The following FAM210A variants were observed in gnomAD, a reference collection of about 807,000 sequenced individuals.
The protein encoded by FAM210A is mitochondrial inner membrane scaffold 1, also known as family with sequence similarity 210 member A.
In FAM210A, 13 loss-of-function variants were observed where a neutral mutation model predicts 25.3. That is an observed-to-expected ratio of 0.51 (90% confidence interval 0.33 to 0.82). FAM210A has a LOEUF of 0.82. Among genes scored for constraint, FAM210A ranks in the 40% least tolerant of loss-of-function variants. FAM210A has a pLI of 0.02. For synonymous variants in FAM210A, 125 were observed against 118.7 expected, an observed-to-expected ratio of 1.05 and a Z score of -0.35; for missense variants, 319 against 323.2, an observed-to-expected ratio of 0.99 and a Z score of 0.10.
intron 1 of FAM210A, among the ~76,000 whole-genome samples, chr18:13,686,792 AAAAC>A (rs779850896): frequency 1.7e-3 from 257 of 152,322 alleles, no homozygotes; most frequent in Non-Finnish European, 2.8e-3. Flanking sequence ...ATCCTTTCCA[AAAAC>A]AAACAAACAA....
chr18:13,686,655 A>G (rs2043599548), intron 1 of FAM210A, among the ~76,000 whole-genome samples: 1 of 152,234 alleles, frequency 6.6e-6, no homozygotes, highest in Non-Finnish European at 1.5e-5. Context: ...CCCACAAATT[A>G]TCAAACTTAG....
At chr18:13,693,897 G>T (rs1408856087) in intron 1 of FAM210A, among the ~76,000 whole-genome samples, 1 of 152,208 alleles carries the variant, frequency 6.6e-6, no homozygotes. Context: ...TCAGGCAAGA[G>T]AAATAAATAA....
rs142438466 is a variant in FAM210A, at chr18:13,682,585, T to C, written c.-28-480A>G. Among the ~76,000 whole-genome samples the C allele has an allele frequency of 2.6e-3, 387 of 151,064 alleles. 3 individuals are homozygous for C. The highest frequency in any genetic ancestry group is 4.3e-3 in the Non-Finnish European group (291 of 67,878). ...TCCAGCTCAGAAAAATAAAATAAAA[T>C]AAGCCAGGTGAGGTGGCCCACGCCT... On this transcript the variant is annotated intron_variant, in intron 1 of 3. Coordinates refer to ENST00000651643, the MANE Select transcript of FAM210A (RefSeq NM_152352.4).
At position 13,702,836 on chromosome 18, in the gene FAM210A, A is replaced by T. The variant is rs2043751742; in HGVS notation, c.-28-20731T>A. 3.9e-5 allele frequency among the ~76,000 whole-genome samples: 6 copies of T among 152,312 alleles called. No individual in the cohort carries two copies. In the South Asian group the frequency reaches 1.2e-3, roughly 32 times the overall value. On this transcript the variant is annotated intron_variant, in intron 1 of 3. Coordinates refer to ENST00000651643, the MANE Select transcript of FAM210A (RefSeq NM_152352.4). ...TTCTCTTCCCCTCCAGGAACTGCGG[A>T]ATTCTCCTTTCTAAGAGCACCTGTG...
Position 13,665,502 on chromosome 18 carries a change from T to C in FAM210A, c.*978A>G, listed in dbSNP as rs1008777151. 6.6e-6 allele frequency: 1 copy of C among 151,352 alleles called. No homozygotes were observed. 9.4% of individuals were successfully genotyped at this position (151,352 alleles called of 1,614,324 possible). On this transcript the variant is annotated 3_prime_UTR_variant, in exon 4 of 4. Coordinates refer to ENST00000651643, the MANE Select transcript of FAM210A (RefSeq NM_152352.4). ...ACTTTACTCCATAATGAAATCAGCATGAATTCTGAAACTAAGACATTGGGA... is the reference window on the plus strand; with the variant it reads ...ACTTTACTCCATAATGAAATCAGCACGAATTCTGAAACTAAGACATTGGGA...
intron 1 of FAM210A, among the ~76,000 whole-genome samples, chr18:13,725,005 C>T (rs1427289136): frequency 1.3e-5 from 2 of 152,186 alleles, no homozygotes; most frequent in Non-Finnish European, 2.9e-5. Flanking sequence ...AACTCCTGAC[C>T]TCGTGATCCA....
At position 13,668,089 on chromosome 18, in the gene FAM210A, T is replaced by C. The variant is rs73954891; in HGVS notation, c.586-1376A>G. On this transcript the variant is annotated intron_variant, in intron 3 of 3. Coordinates refer to ENST00000651643, the MANE Select transcript of FAM210A (RefSeq NM_152352.4). The stretch of plus-strand genomic sequence containing the variant: ...CGAAACAAAACAAAATGCATAGGTG[T>C]GTTGTATAACAAAACTTTGAAAGAG... Among the ~76,000 whole-genome samples the C allele has an allele frequency of 3.9e-3, 598 of 152,284 alleles. 7 individuals carry two copies. The highest frequency in any genetic ancestry group is 0.014 in the African/African-American group (574 of 41,554).
chr18:13,675,036 A>G (rs536947349), intron 2 of FAM210A, among the ~76,000 whole-genome samples: 729 of 67,114 alleles, frequency 0.011, 9 homozygotes, highest in Middle Eastern at 0.059. Context: ...TGGCTTCTTT[A>G]TTTCCTGTTT....
intron 1 of FAM210A, among the ~76,000 whole-genome samples, chr18:13,686,371 A>G (rs2043597043): frequency 6.6e-6 from 1 of 152,200 alleles, no homozygotes; most frequent in South Asian, 2.1e-4. Context: ...TAACCTAATA[A>G]TGCTATAATT....
At position 13,671,859 on chromosome 18, in the gene FAM210A, C is replaced by G; in HGVS notation, c.585+3G>C. 6.2e-7 allele frequency: 1 copy of G among 1,600,080 alleles called. No homozygotes were observed. On this transcript the variant is annotated splice_donor_region_variant and intron_variant, in intron 3 of 3. Coordinates refer to ENST00000651643, the MANE Select transcript of FAM210A (RefSeq NM_152352.4). ...GGAGCAATGGGTTTGTTACAGTACC[C>G]ACCTTAAACAAGGCATATGCTGTGA...
chr18:13,702,665 T>C (rs2149065694), intron 1 of FAM210A, among the ~76,000 whole-genome samples: 1 of 152,348 alleles, frequency 6.6e-6, no homozygotes, highest in East Asian at 1.9e-4. Context: ...TCTAGACTCC[T>C]TCTGGAAAGG....
intron 1 of FAM210A, among the ~76,000 whole-genome samples, chr18:13,695,490 T>A (rs2043684386): frequency 6.6e-6 from 1 of 152,018 alleles, no homozygotes; most frequent in Admixed American, 6.6e-5. Context: ...ATAGACTGGA[T>A]TAAGAAAATG....
chr18:13,677,700 G>A (rs1906547178), intron 2 of FAM210A, among the ~76,000 whole-genome samples: 2 of 152,142 alleles, frequency 1.3e-5, no homozygotes, highest in East Asian at 1.9e-4. Flanking sequence ...TACGAGGGGT[G>A]GTCTCCTCCC....
chr18:13,707,156 G>T (rs758204418), intron 1 of FAM210A, among the ~76,000 whole-genome samples: 4 of 152,172 alleles, frequency 2.6e-5, no homozygotes, highest in Non-Finnish European at 4.4e-5. Context: ...ATGACATGCT[G>T]AATCTCGAAA....
At chr18:13,672,776 T>G (rs1244857730) in intron 2 of FAM210A, among the ~76,000 whole-genome samples, 1 of 152,248 alleles carries the variant, frequency 6.6e-6, no homozygotes, top group East Asian at 1.9e-4. Flanking sequence ...CACTTTAGTC[T>G]GTTATTATGC....
intron 2 of FAM210A, among the ~76,000 whole-genome samples, chr18:13,675,391 C>T (rs2043486605): frequency 1.6e-5 from 2 of 123,904 alleles, no homozygotes; most frequent in African/African-American, 3.1e-5. Context: ...TCCTGAGCCC[C>T]GACTTCATTT....
At chr18:13,669,521 C>T (rs2043426184) in intron 3 of FAM210A, among the ~76,000 whole-genome samples, 1 of 152,120 alleles carries the variant, frequency 6.6e-6, no homozygotes, top group Non-Finnish European at 1.5e-5. Context: ...CTTGGAGGAG[C>T]AACTCTCTCA....
At chr18:13,672,361 A>C (rs1430483068) in intron 2 of FAM210A, among the ~76,000 whole-genome samples, 1 of 152,164 alleles carries the variant, frequency 6.6e-6, no homozygotes, top group Non-Finnish European at 1.5e-5. Flanking sequence ...GCTCCAACTC[A>C]CATTTTAAGA....
intron 1 of FAM210A, among the ~76,000 whole-genome samples, chr18:13,686,730 T>G (rs2043600270): frequency 6.6e-6 from 1 of 152,168 alleles, no homozygotes; most frequent in South Asian, 2.1e-4. Context: ...AATAAAAGAC[T>G]TTACTAACCC....
Sources: allele counts gnomAD v4.1 joint callset (sites outside exome capture counted in the v4.1 genomes callset), GRCh38; gene constraint gnomAD v4.1.1; transcripts MANE v1.5; gene names NCBI Gene and HGNC (gene_info 2026-07-23, HGNC 2026-07-21).